Variants in SEMA3A observed in about 807,000 individuals in gnomAD.
SEMA3A encodes semaphorin-3A.
SEMA3A carries 29 observed loss-of-function variants against 97.9 expected under a neutral mutation model. That is an observed-to-expected ratio of 0.30 (90% CI 0.22 to 0.40). SEMA3A has a LOEUF of 0.40. SEMA3A is among the 10% of genes least tolerant of loss of function. The pLI is 1.00. For synonymous variants in SEMA3A, 321 were observed against 323.7 expected, an observed-to-expected ratio of 0.99 and a Z score of 0.09; for missense variants, 763 against 951.3, an observed-to-expected ratio of 0.80 and a Z score of 2.60.
chr7:84,385,101 A>T (rs979822702), intron 1 of SEMA3A, among the ~76,000 whole-genome samples: 6 of 151,376 alleles, frequency 4.0e-5, no homozygotes, highest in African/African-American at 1.2e-4. Flanking sequence ...ACACACAAAC[A>T]CTCAATTAAA....
intron 1 of SEMA3A, among the ~76,000 whole-genome samples, chr7:84,419,704 G>A (rs1256216832): frequency 1.3e-5 from 2 of 152,104 alleles, no homozygotes; most frequent in Non-Finnish European, 2.9e-5. Flanking sequence ...AAAAGCTTGA[G>A]AAGATCATAA....
At chr7:84,009,905 C>CAAAAAA (rs3074687) in intron 9 of SEMA3A, among the ~76,000 whole-genome samples, 6 of 91,706 alleles carry the variant, frequency 6.5e-5, no homozygotes, top group African/African-American at 1.7e-4. Flanking sequence ...ACACTGGTTA[C>CAAAAAA]AAAAAAAAAA....
At chr7:84,150,099 A>G (rs1427398748) in intron 1 of SEMA3A, among the ~76,000 whole-genome samples, 1 of 152,212 alleles carries the variant, frequency 6.6e-6, no homozygotes, top group Non-Finnish European at 1.5e-5. Flanking sequence ...AGTTGAAAGT[A>G]GTTTTATGTA....
intron 6 of SEMA3A, among the ~76,000 whole-genome samples, chr7:84,032,157 T>C (rs537624951): frequency 4.6e-5 from 7 of 152,132 alleles, no homozygotes; most frequent in East Asian, 1.9e-4. Context: ...AGAGGATGCA[T>C]TGGCAGTGCG....
At chr7:84,041,956 T>A (rs1792149627) in intron 6 of SEMA3A, among the ~76,000 whole-genome samples, 1 of 152,154 alleles carries the variant, frequency 6.6e-6, no homozygotes, top group Non-Finnish European at 1.5e-5. Context: ...GTTTTTTATG[T>A]CTCCAAAGAT....
intron 2 of SEMA3A, among the ~76,000 whole-genome samples, chr7:84,355,660 C>A (rs1007264525): frequency 6.6e-6 from 1 of 151,842 alleles, no homozygotes; most frequent in Non-Finnish European, 1.5e-5. Flanking sequence ...TCAGTAATTT[C>A]TCAGTCTAAT....
chr7:84,424,044 G>A (rs1024433115), intron 1 of SEMA3A, among the ~76,000 whole-genome samples: 1 of 151,838 alleles, frequency 6.6e-6, no homozygotes, highest in Admixed American at 6.6e-5. Context: ...CTGCAGGTGG[G>A]AATATAAATT....
At chr7:84,037,152 TTTC>T (rs201080755) in intron 6 of SEMA3A, among the ~76,000 whole-genome samples, 6,316 of 147,250 alleles carry the variant, frequency 0.043, 144 homozygotes, top group Middle Eastern at 0.089. Context: ...CTAAGTTTTT[TTTC>T]TTTTTTTCAA....
At chr7:84,207,866 G>A (rs995422904) in intron 3 of SEMA3A, among the ~76,000 whole-genome samples, 4 of 152,140 alleles carry the variant, frequency 2.6e-5, no homozygotes, top group African/African-American at 9.7e-5. Context: ...AAGGCTGTGT[G>A]TGGAATGAGG....
Position 84,367,458 on chromosome 7 carries a change from G to T in SEMA3A, c.-169+4366C>A, listed in dbSNP as rs17158958. On this transcript the variant is annotated intron_variant, in intron 2 of 3. Transcript: ENST00000424555. ...GCATAATTAAAATACCGCTTCTTAAGAAAAAAATCGCCAAACAATAGTTTT... is the reference window on the plus strand; with the variant it reads ...GCATAATTAAAATACCGCTTCTTAATAAAAAAATCGCCAAACAATAGTTTT... Among the ~76,000 whole-genome samples, 416 of 150,820 alleles carry T rather than the reference G, an allele frequency of 2.8e-3. 2 individuals carry two copies. Among genetic ancestry groups the T allele is most frequent in the African/African-American group, 9.7e-3 (401 of 41,330 alleles).
At chr7:84,235,574 G>A (rs933362337) in intron 3 of SEMA3A, among the ~76,000 whole-genome samples, 3 of 151,762 alleles carry the variant, frequency 2.0e-5, no homozygotes, top group Non-Finnish European at 2.9e-5. Context: ...TACAGTAAAC[G>A]CTATTAATTT....
At chr7:84,078,256 G>A (rs1013117206) in intron 4 of SEMA3A, among the ~76,000 whole-genome samples, 1 of 151,960 alleles carries the variant, frequency 6.6e-6, no homozygotes, top group Non-Finnish European at 1.5e-5. Context: ...CCAGAGACAT[G>A]CTTTATTTAC....
intron 1 of SEMA3A, among the ~76,000 whole-genome samples, chr7:84,390,088 TA>T (rs1285737018): frequency 6.6e-6 from 1 of 152,200 alleles, no homozygotes; most frequent in East Asian, 1.9e-4. Context: ...GATTATTTTT[TA>T]CCAAAATAAC....
Position 83,977,116 on chromosome 7 carries a change from G to T in SEMA3A, c.1717+16C>A. On this transcript the variant is annotated intron_variant, in intron 15 of 16. Transcript: ENST00000265362. ...GCCTGGTCTTAGCAGGTTGAAAGAT[G>T]AAAAATGTGACTTACCATGGTGTAA... 6.6e-7 allele frequency: 1 copy of T among 1,506,694 alleles called. No homozygotes were observed. The highest frequency in any genetic ancestry group is 9.0e-7 in the Non-Finnish European group (1 of 1,113,346). 93.3% of individuals were successfully genotyped at this position (1,506,694 alleles called of 1,614,324 possible). A position where few individuals can be genotyped will look rare whatever the true frequency, so the allele number is the denominator to read the frequency against.
chr7:84,424,881 A>T (rs1279281558), intron 1 of SEMA3A, among the ~76,000 whole-genome samples: 14 of 74,872 alleles, frequency 1.9e-4, no homozygotes, highest in South Asian at 5.1e-4. Context: ...AATATATAAT[A>T]TTATATATAA....
intron 1 of SEMA3A, among the ~76,000 whole-genome samples, chr7:84,144,504 A>C (rs1427997969): frequency 6.6e-6 from 1 of 152,178 alleles, no homozygotes; most frequent in Non-Finnish European, 1.5e-5. Flanking sequence ...CAGATCGAAA[A>C]GTCTCTTACA....
At chr7:84,413,481 A>T (rs1374656494) in intron 1 of SEMA3A, among the ~76,000 whole-genome samples, 1 of 152,064 alleles carries the variant, frequency 6.6e-6, no homozygotes, top group Non-Finnish European at 1.5e-5. Flanking sequence ...CACAAAAGTT[A>T]GCTAGGTGTG....
chr7:84,249,612 G>A (rs953088261), intron 3 of SEMA3A, among the ~76,000 whole-genome samples: 1 of 151,902 alleles, frequency 6.6e-6, no homozygotes, highest in Non-Finnish European at 1.5e-5. Flanking sequence ...AATGCCACCT[G>A]TTTTTAAAGA....
Position 84,269,379 on chromosome 7 carries a change from C to T in SEMA3A, c.-83+37828G>A, listed in dbSNP as rs373839047. Among the ~76,000 whole-genome samples, 114 of 152,142 alleles carry T rather than the reference C, an allele frequency of 7.5e-4. No individual in the cohort carries two copies. In the Middle Eastern group the frequency reaches 0.027, roughly 36 times the overall value. ...TACCCATGTCAGTAATCTTTATGAA[C>T]CCTGACAAAAACTGGGCCATGTGAA... On this transcript the variant is annotated intron_variant, in intron 3 of 3. Coordinates refer to the SEMA3A transcript ENST00000424555.
Sources: allele counts gnomAD v4.1 joint callset (sites outside exome capture counted in the v4.1 genomes callset), GRCh38; gene constraint gnomAD v4.1.1; transcripts MANE v1.5; gene names NCBI Gene and HGNC (gene_info 2026-07-23, HGNC 2026-07-21).